The following RERE variants were observed in gnomAD, a reference collection of about 807,000 sequenced individuals.
The protein encoded by RERE is arginine-glutamic acid dipeptide repeats, also known as arginine-glutamic acid dipeptide repeats protein.
A neutral mutation model predicts 146.1 loss-of-function variants in RERE; 40 were observed. The observed-to-expected ratio is 0.27, with a 90% CI of 0.21 to 0.36. The LOEUF is 0.36. Ranked by LOEUF, RERE falls within the 10% of genes least tolerant of loss-of-function variation. The pLI, the probability that RERE is intolerant of heterozygous loss-of-function variation, is 1.00. For synonymous variants in RERE, 1,003 were observed against 866.0 expected (o/e 1.16, Z -2.78); for missense variants, 1,933 against 2,138.7 (o/e 0.90, Z 1.90).
intron 10 of RERE, 65 bp downstream of exon 10, chr1:8,494,998 T>A: frequency 8.5e-7 from 1 of 1,174,380 alleles, no homozygotes; most frequent in South Asian, 1.2e-5. Context: ...CATCACACAT[T>A]CCCTACAGCC....
intron 1 of RERE, among the ~76,000 whole-genome samples, chr1:8,683,626 T>C (rs1352233145): frequency 1.3e-5 from 2 of 152,124 alleles, no homozygotes; most frequent in African/African-American, 4.8e-5. Context: ...ACAAAATATA[T>C]GCATTTATAT....
At chr1:8,536,895 A>AT (rs757470946) in intron 7 of RERE, among the ~76,000 whole-genome samples, 1 of 152,050 alleles carries the variant, frequency 6.6e-6, no homozygotes, top group African/African-American at 2.4e-5. Flanking sequence ...TGCCCCCTAA[A>AT]TTTTTGCCCA....
intron 11 of RERE, among the ~76,000 whole-genome samples, chr1:8,425,964 T>C (rs76337240): frequency 0.024 from 3,668 of 152,168 alleles, 133 homozygotes; most frequent in African/African-American, 0.083. Flanking sequence ...GAGGCACAGA[T>C]AGGTAACTAG....
chr1:8,783,499 G>T (rs753931935), intron 1 of RERE, among the ~76,000 whole-genome samples: 2 of 152,102 alleles, frequency 1.3e-5, no homozygotes, highest in Non-Finnish European at 2.9e-5. Flanking sequence ...TTTCTAGCCT[G>T]TTGTCCCAGT....
intron 1 of RERE, among the ~76,000 whole-genome samples, chr1:8,795,982 C>CAAAAAAAAA (rs556814425): frequency 1.0e-4 from 3 of 30,020 alleles, no homozygotes; most frequent in African/African-American, 2.4e-4. Flanking sequence ...AACTCCGTCT[C>CAAAAAAAAA]AAAAAAAAAA....
intron 1 of RERE, among the ~76,000 whole-genome samples, chr1:8,795,081 G>A (rs188512443): frequency 5.0e-4 from 76 of 152,306 alleles, no homozygotes; most frequent in Non-Finnish European, 9.7e-4. Context: ...AGGCTGGAGT[G>A]CAGTGGTGCA....
chr1:8,796,578 T>C (rs1641477826), intron 1 of RERE: 1 of 151,826 alleles, frequency 6.6e-6, no homozygotes, highest in African/African-American at 2.4e-5. Flanking sequence ...TTTTTTAGAA[T>C]AGTCAAATAC....
chr1:8,765,559 CT>C (rs1640830503), intron 1 of RERE, among the ~76,000 whole-genome samples: 2 of 152,194 alleles, frequency 1.3e-5, no homozygotes, highest in Non-Finnish European at 2.9e-5. Flanking sequence ...TGGCTCATGT[CT>C]GTAATACCAG....
intron 11 of RERE, among the ~76,000 whole-genome samples, chr1:8,440,727 A>G (rs1236261063): frequency 1.5e-5 from 2 of 136,598 alleles, no homozygotes; most frequent in African/African-American, 5.6e-5. Flanking sequence ...CTCTACTAAA[A>G]ATACAAAAAA....
intron 12 of RERE, among the ~76,000 whole-genome samples, chr1:8,386,016 A>AT (rs1642658743): frequency 9.0e-5 from 4 of 44,248 alleles, no homozygotes; most frequent in East Asian, 5.7e-4. Context: ...ATATATATAT[A>AT]TATATATTTT....
intron 1 of RERE, among the ~76,000 whole-genome samples, chr1:8,727,424 G>A (rs1639994016): frequency 6.6e-6 from 1 of 152,164 alleles, no homozygotes; most frequent in African/African-American, 2.4e-5. Context: ...TTACAGATGT[G>A]AGCCACCGCA....
At chr1:8,764,888 T>C (rs1640819336) in intron 1 of RERE, among the ~76,000 whole-genome samples, 1 of 152,198 alleles carries the variant, frequency 6.6e-6, no homozygotes, top group African/African-American at 2.4e-5. Context: ...GGTTCATGCA[T>C]TGCTAGTAAA....
intron 10 of RERE, among the ~76,000 whole-genome samples, chr1:8,481,871 CT>C (rs1432418541): frequency 6.6e-6 from 1 of 152,172 alleles, no homozygotes; most frequent in Non-Finnish European, 1.5e-5. Flanking sequence ...TGAGACTGCA[CT>C]GAGCAGATGA....
chr1:8,494,196 ACT>A (rs2124229277), intron 10 of RERE, among the ~76,000 whole-genome samples: 1 of 152,320 alleles, frequency 6.6e-6, no homozygotes, highest in South Asian at 2.1e-4. Context: ...TTCGTGTAAA[ACT>A]TTTTATAGTC....
At chr1:8,603,650 G>T (rs1388455369) in intron 4 of RERE, among the ~76,000 whole-genome samples, 1 of 152,140 alleles carries the variant, frequency 6.6e-6, no homozygotes, top group Non-Finnish European at 1.5e-5. Flanking sequence ...TTGGGGAAGG[G>T]AGGAAATTAA....
chr1:8,682,724 A>G (rs994072185), intron 1 of RERE, among the ~76,000 whole-genome samples: 3 of 152,220 alleles, frequency 2.0e-5, no homozygotes, highest in African/African-American at 7.2e-5. Context: ...TTAACAAGAA[A>G]TGCCGGCTCT....
chr1:8,531,111 A>G (rs1254287833), intron 7 of RERE, among the ~76,000 whole-genome samples: 1 of 151,598 alleles, frequency 6.6e-6, no homozygotes, highest in Non-Finnish European at 1.5e-5. Context: ...CTATCTGTCC[A>G]TCCATCCATC....
intron 2 of RERE, among the ~76,000 whole-genome samples, chr1:8,636,415 T>A (rs1647102658): frequency 6.6e-6 from 1 of 152,124 alleles, no homozygotes; most frequent in Non-Finnish European, 1.5e-5. Context: ...ATGCTTGTAG[T>A]CCCACATACT....
At chr1:8,564,878 A>G (rs867841201) in intron 4 of RERE, among the ~76,000 whole-genome samples, 94 of 94,160 alleles carry the variant, frequency 1.0e-3, no homozygotes, top group African/African-American at 3.4e-3. Flanking sequence ...GTGTATATAT[A>G]TATATAAAAC....
Sources: allele counts gnomAD v4.1 joint callset (sites outside exome capture counted in the v4.1 genomes callset), GRCh38; gene constraint gnomAD v4.1.1; transcripts MANE v1.5; gene names NCBI Gene and HGNC (gene_info 2026-07-23, HGNC 2026-07-21).